The following PRDM5 variants were observed in gnomAD, a reference collection of about 807,000 sequenced individuals.
PRDM5 encodes PR domain zinc finger protein 5.
PRDM5 carries 56 observed loss-of-function variants against 81.2 expected under a neutral mutation model. The observed-to-expected ratio is 0.69, with a 90% CI of 0.56 to 0.86. PRDM5 has a LOEUF of 0.86. Among genes scored for constraint, PRDM5 ranks in the 40% least tolerant of loss-of-function variants. The pLI, the probability that PRDM5 is intolerant of heterozygous loss-of-function variation, is 0.00. For synonymous variants in PRDM5, 267 were observed against 256.4 expected (o/e 1.04, Z -0.39); for missense variants, 697 against 770.1 (o/e 0.91, Z 1.12).
chr4:120,762,729 T>G (rs1415680741), intron 13 of PRDM5: 1 of 152,102 alleles, frequency 6.6e-6, no homozygotes, highest in Non-Finnish European at 1.5e-5. Flanking sequence ...TTGAAATACT[T>G]TTTTTCCCCG....
intron 2 of PRDM5, among the ~76,000 whole-genome samples, chr4:120,904,206 C>CAAAAAAAAAAAAAAAAAAAAAAAAAA (rs1157460080): frequency 9.2e-6 from 1 of 108,216 alleles, no homozygotes; most frequent in African/African-American, 3.7e-5. Context: ...AAAAAAAAAA[C>CAAAAAAAAAAAAAAAAAAAAAAAAAA]AAAAAAACCT....
At chr4:120,793,406 T>C (rs1024787123) in intron 10 of PRDM5, among the ~76,000 whole-genome samples, 17 of 152,226 alleles carry the variant, frequency 1.1e-4, no homozygotes, top group African/African-American at 3.9e-4. Flanking sequence ...TTTCATTATA[T>C]TTTACAATGT....
chr4:120,755,305 G>A (rs1744571516), intron 13 of PRDM5, among the ~76,000 whole-genome samples: 1 of 152,114 alleles, frequency 6.6e-6, no homozygotes, highest in Admixed American at 6.6e-5. Context: ...TGACAAAACT[G>A]TGACAAAATT....
chr4:120,857,747 G>C (rs748847786), intron 2 of PRDM5, among the ~76,000 whole-genome samples: 14 of 152,200 alleles, frequency 9.2e-5, no homozygotes, highest in Non-Finnish European at 1.9e-4. Flanking sequence ...GGGAGCAGGG[G>C]AGAGAGATAC....
intron 14 of PRDM5, among the ~76,000 whole-genome samples, chr4:120,726,616 A>G (rs1018844126): frequency 6.6e-6 from 1 of 152,236 alleles, no homozygotes; most frequent in Non-Finnish European, 1.5e-5. Flanking sequence ...TTCGATTAAC[A>G]TAATTCTTAT....
At chr4:120,881,173 T>C (rs1375134540) in intron 2 of PRDM5, among the ~76,000 whole-genome samples, 1 of 152,224 alleles carries the variant, frequency 6.6e-6, no homozygotes, top group Non-Finnish European at 1.5e-5. Flanking sequence ...ATGTGCAATG[T>C]GATATTGGTG....
At chr4:120,892,195 T>A (rs1226226388) in intron 2 of PRDM5, among the ~76,000 whole-genome samples, 1 of 152,092 alleles carries the variant, frequency 6.6e-6, no homozygotes, top group East Asian at 1.9e-4. Flanking sequence ...ATTTTAGGGT[T>A]TTTTTTTCTT....
chr4:120,839,352 C>G (rs1048712107), intron 3 of PRDM5: 2 of 700,458 alleles, frequency 2.9e-6, no homozygotes, highest in Non-Finnish European at 5.2e-6. Context: ...AGCAACAGAA[C>G]AGCTCAGAGG....
chr4:120,855,442 G>C (rs1013198099), intron 2 of PRDM5, among the ~76,000 whole-genome samples: 1 of 152,114 alleles, frequency 6.6e-6, no homozygotes, highest in Admixed American at 6.5e-5. Flanking sequence ...GATCTGCTTT[G>C]GGAGGTGCCT....
chr4:120,757,085 T>G (rs1744854376), intron 13 of PRDM5, among the ~76,000 whole-genome samples: 1 of 152,200 alleles, frequency 6.6e-6, no homozygotes, highest in Admixed American at 6.5e-5. Flanking sequence ...TACTATTTCC[T>G]TTCATAACAG....
chr4:120,831,112 T>C (rs1278045322), intron 3 of PRDM5, among the ~76,000 whole-genome samples: 1 of 152,098 alleles, frequency 6.6e-6, no homozygotes, highest in Non-Finnish European at 1.5e-5. Context: ...AAATAAGTTA[T>C]CAATATTGAC....
chr4:120,847,943 T>C (rs72921594), intron 3 of PRDM5, among the ~76,000 whole-genome samples: 3,430 of 152,258 alleles, frequency 0.023, 119 homozygotes, highest in African/African-American at 0.072. Flanking sequence ...AAGTCCCACC[T>C]AATTAAAACT....
chr4:120,742,333 AC>A (rs1742161646), intron 14 of PRDM5, among the ~76,000 whole-genome samples: 1 of 152,208 alleles, frequency 6.6e-6, no homozygotes, highest in South Asian at 2.1e-4. Context: ...TGGGGAAAAA[AC>A]AGAACAGAAA....
At chr4:120,776,807 C>T (rs2149225508) in intron 13 of PRDM5, among the ~76,000 whole-genome samples, 1 of 152,182 alleles carries the variant, frequency 6.6e-6, no homozygotes, top group South Asian at 2.1e-4. Flanking sequence ...AGCAACATTC[C>T]AAGGTAAAAA....
intron 3 of PRDM5, among the ~76,000 whole-genome samples, chr4:120,840,063 G>A (rs1757825206): frequency 6.6e-6 from 1 of 152,220 alleles, no homozygotes; most frequent in South Asian, 2.1e-4. Context: ...AGCAGCACAG[G>A]GAGGCCTGGG....
intron 2 of PRDM5, among the ~76,000 whole-genome samples, chr4:120,871,634 A>G (rs1488112405): frequency 6.6e-6 from 1 of 152,188 alleles, no homozygotes; most frequent in Non-Finnish European, 1.5e-5. Flanking sequence ...CCTCCATCGT[A>G]AACTTAAAAA....
At position 120,873,470 on chromosome 4, in the gene PRDM5, C is replaced by T. The variant is rs182581227; in HGVS notation, c.178-19930G>A. Among the ~76,000 whole-genome samples, 8 of 152,294 alleles carry T rather than the reference C, an allele frequency of 5.3e-5. No individual in the cohort carries two copies. The South Asian group carries it at 6.2e-4, about 12-fold the overall frequency. On this transcript the variant is annotated intron_variant, in intron 2 of 15. Coordinates refer to ENST00000264808, the MANE Select transcript of PRDM5 (RefSeq NM_018699.4). ...GCTTTTCAATTAAAATTCAACACTCCGGCTATAAGTGGCCAACTATCCATC... is the reference window on the plus strand; with the variant it reads ...GCTTTTCAATTAAAATTCAACACTCTGGCTATAAGTGGCCAACTATCCATC...
chr4:120,880,937 G>C (rs1359679070), intron 2 of PRDM5, among the ~76,000 whole-genome samples: 1 of 152,060 alleles, frequency 6.6e-6, no homozygotes, highest in Non-Finnish European at 1.5e-5. Context: ...ACGAAATATT[G>C]TATAAATTGA....
At chr4:120,688,623 C>A (rs1733922831), downstream of PRDM5, among the ~76,000 whole-genome samples, 1 of 152,092 alleles carries the variant, frequency 6.6e-6, no homozygotes. Context: ...ACATTTAGAT[C>A]TTCAATCCAT....
Sources: allele counts gnomAD v4.1 joint callset (sites outside exome capture counted in the v4.1 genomes callset), GRCh38; gene constraint gnomAD v4.1.1; transcripts MANE v1.5; gene names NCBI Gene and HGNC (gene_info 2026-07-23, HGNC 2026-07-21).